PCNP: variants seen among roughly 807,000 people sequenced by gnomAD.
PCNP encodes PEST proteolytic signal-containing nuclear protein.
PCNP carries 6 observed loss-of-function variants against 21.8 expected under a neutral mutation model. The ratio of observed to expected loss-of-function variants is 0.28; its 90% CI spans 0.15 to 0.54. The LOEUF is 0.54. PCNP is among the 20% of genes least tolerant of loss of function. PCNP has a pLI of 0.95. For synonymous variants in PCNP, 67 were observed against 73.2 expected, an observed-to-expected ratio of 0.92 and a Z score of 0.43; for missense variants, 161 against 215.5, an observed-to-expected ratio of 0.75 and a Z score of 1.58.
chr3:101,574,119 G>C (rs2108266592), upstream of PCNP: 2 of 1,499,520 alleles, frequency 1.3e-6, no homozygotes, highest in South Asian at 2.6e-5. Context: ...GACCGCTCTA[G>C]GCTGCCACCA....
chr3:101,589,979 C>G (rs1395428568), intron 3 of PCNP: 2 of 462,754 alleles, frequency 4.3e-6, no homozygotes, highest in Admixed American at 4.0e-5. Context: ...GGTTTTAGTT[C>G]TAGAATGTTT....
chr3:101,590,894 A>G (rs1302639471), intron 4 of PCNP, among the ~76,000 whole-genome samples: 2 of 149,796 alleles, frequency 1.3e-5, no homozygotes. Flanking sequence ...TCTGATTTCA[A>G]AATTTTTGCT....
At chr3:101,579,738 A>T (rs1181540330) in intron 1 of PCNP, 52 bp from the exon 2 acceptor site, 1 of 1,270,392 alleles carries the variant, frequency 7.9e-7, no homozygotes, top group African/African-American at 1.5e-5. Context: ...TGCTCCCATC[A>T]ATCTGCTCAG....
At chr3:101,591,778 T>C (rs993624397) in intron 4 of PCNP, among the ~76,000 whole-genome samples, 1 of 148,508 alleles carries the variant, frequency 6.7e-6, no homozygotes, top group East Asian at 1.9e-4. Flanking sequence ...TTTTTTTTTT[T>C]TTTTTTTTTT....
chr3:101,593,730 G>T lies in PCNP; in HGVS notation c.*977G>T, dbSNP rs1476108452. On this transcript the variant is annotated 3_prime_UTR_variant, in exon 5 of 5. Transcript: ENST00000265260. Reference sequence around the variant, plus strand: ...ATTACTAACTTATGAACTCCAATTTGAATTGAACTTAACTATCGGCTTTCT... The same window carrying T: ...ATTACTAACTTATGAACTCCAATTTTAATTGAACTTAACTATCGGCTTTCT... 6.6e-6 allele frequency: 1 copy of T among 152,554 alleles called. No homozygotes were observed. The highest frequency in any genetic ancestry group is 1.5e-5 in the Non-Finnish European group (1 of 68,024). 9.5% of individuals were successfully genotyped at this position (152,554 alleles called of 1,614,324 possible).
At chr3:101,583,462 A>G (rs1383684540) in intron 2 of PCNP, among the ~76,000 whole-genome samples, 1 of 152,052 alleles carries the variant, frequency 6.6e-6, no homozygotes, top group African/African-American at 2.4e-5. Flanking sequence ...CTCAAAAATA[A>G]CAAATGAGCC....
chr3:101,585,559 G>A (rs1439750695), intron 3 of PCNP, 48 bp downstream of exon 3: 3 of 1,267,318 alleles, frequency 2.4e-6, no homozygotes, highest in Admixed American at 1.9e-5. Flanking sequence ...AGTTATTTAA[G>A]GAAGGTATTA....
intron 3 of PCNP, among the ~76,000 whole-genome samples, chr3:101,589,532 T>A (rs908265940): frequency 6.6e-6 from 1 of 151,822 alleles, no homozygotes. Flanking sequence ...TGCCTCAGCC[T>A]CCTGAGTAGC....
chr3:101,576,714 C>G (rs1324506156), intron 1 of PCNP: 4 of 1,612,120 alleles, frequency 2.5e-6, no homozygotes, highest in Non-Finnish European at 3.4e-6. Context: ...AGTCTGGGAT[C>G]TTGTACTGGC....
At chr3:101,583,770 C>T (rs1049178825) in intron 2 of PCNP, among the ~76,000 whole-genome samples, 1 of 151,778 alleles carries the variant, frequency 6.6e-6, no homozygotes, top group African/African-American at 2.4e-5. Flanking sequence ...GCCTCAGCCT[C>T]CTGAGTAGCT....
chr3:101,581,170 C>T (rs1025692012), intron 2 of PCNP, among the ~76,000 whole-genome samples: 16 of 152,130 alleles, frequency 1.1e-4, no homozygotes, highest in African/African-American at 3.6e-4. Flanking sequence ...GAACAAAAAA[C>T]ATTGAGCTTA....
At chr3:101,588,991 A>G (rs1318722652) in intron 3 of PCNP, among the ~76,000 whole-genome samples, 1 of 152,246 alleles carries the variant, frequency 6.6e-6, no homozygotes, top group African/African-American at 2.4e-5. Context: ...CTTTGAGAAT[A>G]TGTGAAAATA....
Position 101,574,248 on chromosome 3 carries a change from T to G in PCNP, c.33T>G (p.Pro11=). 1 of 1,548,720 alleles carries G rather than the reference T, an allele frequency of 6.5e-7. No individual in the cohort carries two copies. The highest frequency in any genetic ancestry group is 8.7e-7 in the Non-Finnish European group (1 of 1,145,554). ...ACGGGAAGGCGGGAGACGAGAAGCCTGAAAAGTCGCAGCGAGCTGGAGCCG... is the reference window on the plus strand; with the variant it reads ...ACGGGAAGGCGGGAGACGAGAAGCCGGAAAAGTCGCAGCGAGCTGGAGCCG... MADGKAGDEK[P]EKSQRAGAAG... is the part of the protein sequence containing the mutation. Residue 11 remains proline, a synonymous_variant, in exon 1 of 5, where the codon CCT becomes CCG. Coordinates refer to ENST00000265260, the MANE Select transcript of PCNP (RefSeq NM_020357.3).
intron 3 of PCNP, among the ~76,000 whole-genome samples, chr3:101,587,242 C>A (rs1315688330): frequency 7.4e-6 from 1 of 135,656 alleles, no homozygotes; most frequent in African/African-American, 2.6e-5. Context: ...AAGAGCAAAA[C>A]TCTGTCTCAA....
intron 3 of PCNP, chr3:101,589,785 C>A: frequency 1.0e-5 from 2 of 191,214 alleles, no homozygotes; most frequent in South Asian, 1.0e-4. Flanking sequence ...GGTTAAGAAC[C>A]TTTGCTTTGG....
At chr3:101,591,811 A>T (rs1935826325) in intron 4 of PCNP, among the ~76,000 whole-genome samples, 1 of 129,200 alleles carries the variant, frequency 7.7e-6, no homozygotes, top group Non-Finnish European at 1.5e-5. Context: ...TAGCTCTGTC[A>T]CTCAGGCTGG....
At chr3:101,586,364 G>C (rs1037353118) in intron 3 of PCNP, among the ~76,000 whole-genome samples, 1 of 151,864 alleles carries the variant, frequency 6.6e-6, no homozygotes, top group Non-Finnish European at 1.5e-5. Flanking sequence ...TCACAATGTC[G>C]TTATCTTCCC....
intron 1 of PCNP, chr3:101,576,885 A>C (rs920692896): frequency 7.5e-6 from 12 of 1,606,526 alleles, no homozygotes; most frequent in Non-Finnish European, 8.5e-6. Flanking sequence ...TCCGCTGCCC[A>C]TCGATGTTGG....
intron 2 of PCNP, among the ~76,000 whole-genome samples, chr3:101,582,471 T>TA (rs1186993772): frequency 1.3e-5 from 2 of 152,078 alleles, no homozygotes; most frequent in Non-Finnish European, 2.9e-5. Flanking sequence ...AACTACAGTG[T>TA]AAACACAGTC....
Sources: allele counts gnomAD v4.1 joint callset (sites outside exome capture counted in the v4.1 genomes callset), GRCh38; gene constraint gnomAD v4.1.1; transcripts MANE v1.5; gene names NCBI Gene and HGNC (gene_info 2026-07-23, HGNC 2026-07-21).